The following HERC3 variants were observed in gnomAD, a reference collection of about 807,000 sequenced individuals.
The protein encoded by HERC3 is HECT and RLD domain containing E3 ubiquitin protein ligase 3, also known as probable E3 ubiquitin-protein ligase HERC3.
A neutral mutation model predicts 129.9 loss-of-function variants in HERC3; 58 were observed. That is an observed-to-expected ratio of 0.45 (90% CI 0.36 to 0.56). The LOEUF (loss-of-function observed/expected upper bound fraction) is 0.56, where lower values mean the gene tolerates loss of function less well. Ranked by LOEUF, HERC3 falls within the 20% of genes least tolerant of loss-of-function variation. HERC3 has a pLI of 0.00. For synonymous variants in HERC3, 430 were observed against 451.0 expected, an observed-to-expected ratio of 0.95 and a Z score of 0.59; for missense variants, 835 against 1,244.2, an observed-to-expected ratio of 0.67 and a Z score of 4.95.
intron 3 of HERC3, among the ~76,000 whole-genome samples, chr4:88,620,997 C>A (rs1406301197): frequency 1.3e-5 from 2 of 152,202 alleles, no homozygotes; most frequent in East Asian, 3.9e-4. Context: ...CAGTCAGTCA[C>A]AATCAATACC....
chr4:88,620,607 G>A (rs910983779), intron 3 of HERC3, among the ~76,000 whole-genome samples: 2 of 152,018 alleles, frequency 1.3e-5, no homozygotes, highest in Admixed American at 6.5e-5. Context: ...ATCTCACCTG[G>A]ATCATTGCAG....
the HERC3 span, among the ~76,000 whole-genome samples, chr4:88,585,404 G>A: frequency 6.6e-6 from 1 of 152,076 alleles, no homozygotes; most frequent in Non-Finnish European, 1.5e-5. Context: ...AAGGTGATTG[G>A]ACCATGATGG....
chr4:88,565,709 G>C, the HERC3 span, among the ~76,000 whole-genome samples: 1 of 151,842 alleles, frequency 6.6e-6, no homozygotes, highest in Non-Finnish European at 1.5e-5. Flanking sequence ...GGATAATTTA[G>C]TTCATTTACA....
chr4:88,554,423 G>A, the HERC3 span, among the ~76,000 whole-genome samples: 1 of 151,982 alleles, frequency 6.6e-6, no homozygotes, highest in African/African-American at 2.4e-5. Context: ...TTGGTAGCAG[G>A]CACATAATTT....
chr4:88,669,842 TTTTC>T lies in HERC3; in HGVS notation c.1634-8_1634-5del. ...CCAAGATTACATGTTGAAATATGTC[TTTTC>T]TTTCTTTCTAAAGATAACTGGTGGT... On this transcript the variant is annotated splice_polypyrimidine_tract_variant and intron_variant, in intron 14 of 25. Transcript: ENST00000402738. 1 of 1,603,992 alleles carries T rather than the reference TTTTC, an allele frequency of 6.2e-7. No homozygotes were observed. Among genetic ancestry groups the T allele is most frequent in the Non-Finnish European group, 8.5e-7 (1 of 1,172,944 alleles).
chr4:88,681,415 C>A, intron 21 of HERC3, 90 bp downstream of exon 21: 1 of 1,149,256 alleles, frequency 8.7e-7, no homozygotes, highest in Non-Finnish European at 1.3e-6. Context: ...CTGTACAAAT[C>A]TGAGTTTATT....
intron 21 of HERC3, among the ~76,000 whole-genome samples, chr4:88,681,786 G>A (rs1033437135): frequency 3.9e-5 from 6 of 152,018 alleles, no homozygotes; most frequent in Non-Finnish European, 8.8e-5. Flanking sequence ...AGTGTAACTG[G>A]GATATCCATC....
At chr4:88,691,288 A>G (rs573381135) in intron 23 of HERC3, among the ~76,000 whole-genome samples, 3 of 152,306 alleles carry the variant, frequency 2.0e-5, no homozygotes, top group African/African-American at 7.2e-5. Flanking sequence ...TTAGGCACTG[A>G]TGTATATGTC....
intron 3 of HERC3, among the ~76,000 whole-genome samples, chr4:88,622,726 T>C (rs1725674143): frequency 6.6e-6 from 1 of 152,088 alleles, no homozygotes. Flanking sequence ...GTCAGGAGTT[T>C]GAGACCATCC....
rs747568790 is a variant in HERC3, at chr4:88,658,423, A to C, written c.1078A>C (p.Lys360Gln). Reference protein sequence around the residue: ...GQLSARADRFKYHIVKQIFSG... With the variant: ...GQLSARADRFQYHIVKQIFSG... ...AATTTTTTTTTTGACAGATCGCTTT[A>C]AATATCATATCGTTAAGCAGATCTT... The change falls in exon 10 of 26, where the codon AAA (lysine) becomes CAA (glutamine). Residue 360 changes from lysine (K) to glutamine (Q), a missense_variant. Physicochemically the swap from Lys to Gln is moderately conservative, Grantham distance 53. Coordinates refer to ENST00000402738, the MANE Select transcript of HERC3 (RefSeq NM_014606.3). 2 of 1,584,654 alleles carry C rather than the reference A, an allele frequency of 1.3e-6. No homozygotes were observed. The highest frequency in any genetic ancestry group is 3.5e-5 in the Admixed American group (2 of 56,380).
intron 23 of HERC3, among the ~76,000 whole-genome samples, chr4:88,701,803 AT>A (rs34857474): frequency 0.1 from 14,366 of 140,124 alleles, 1,332 homozygotes; most frequent in African/African-American, 0.26. Context: ...GTTAAAACAG[AT>A]TTTTTTTTTT....
Position 88,707,045 on chromosome 4 carries a change from AT to A in HERC3, c.*92del. 3 of 1,067,288 alleles carry A rather than the reference AT, an allele frequency of 2.8e-6. No homozygotes were observed. The highest frequency in any genetic ancestry group is 4.2e-6 in the Non-Finnish European group (3 of 712,314). 66.1% of individuals were successfully genotyped at this position (1,067,288 alleles called of 1,614,324 possible). ...CAGAAAATCATGGGGAGTGATTTCT[AT>A]TTTTTTATTGTCTAAGTGGGTTGGG... On this transcript the variant is annotated 3_prime_UTR_variant, in exon 26 of 26. Coordinates refer to ENST00000402738, the MANE Select transcript of HERC3 (RefSeq NM_014606.3).
chr4:88,650,101 T>G, intron 4 of HERC3, 102 bp downstream of exon 4: 1 of 1,208,138 alleles, frequency 8.3e-7, no homozygotes, highest in Non-Finnish European at 1.2e-6. Context: ...AATTGCTATT[T>G]CCTTTGCACC....
Position 88,597,515 on chromosome 4 carries a change from A to G in HERC3, c.-30+1901A>G, listed in dbSNP as rs780008466. 3.8e-4 allele frequency among the ~76,000 whole-genome samples: 58 copies of G among 152,178 alleles called. 1 individual carries two copies. Among genetic ancestry groups the G allele is most frequent in the Non-Finnish European group, 1.0e-4 (7 of 68,026 alleles). ...TCTTCATCTTCACTGGAGAATGCCAACTTGTTTTGCCAAGTGCTTATGCCA... is the reference window on the plus strand; with the variant it reads ...TCTTCATCTTCACTGGAGAATGCCAGCTTGTTTTGCCAAGTGCTTATGCCA... On this transcript the variant is annotated intron_variant, in intron 2 of 25. Transcript: ENST00000402738.
intron 14 of HERC3, among the ~76,000 whole-genome samples, chr4:88,669,386 G>A (rs974148159): frequency 2.0e-5 from 3 of 152,116 alleles, no homozygotes; most frequent in African/African-American, 4.8e-5. Flanking sequence ...AGTAAAAATC[G>A]TAGTTTTTCA....
chr4:88,523,976 T>G, the HERC3 span: 4 of 447,206 alleles, frequency 8.9e-6, no homozygotes, highest in Non-Finnish European at 1.2e-5. Context: ...TAAACCAGTG[T>G]TTAAGTCAAG....
Position 88,655,881 on chromosome 4 carries a change from T to C in HERC3, c.915T>C (p.His305=), listed in dbSNP as rs151018103. Residue 305 remains histidine (H), a synonymous_variant, in exon 9 of 26, where the codon CAT becomes CAC. Coordinates refer to ENST00000402738, the MANE Select transcript of HERC3 (RefSeq NM_014606.3). ...EVTQIACGRQ[H]TLAFVPSSGL... ...TTAAATTATTTTTTCACAGACAACA[T>C]ACCCTAGCCTTCGTGCCTTCTTCTG... is the stretch of plus-strand genomic sequence containing the variant. 3.2e-5 allele frequency: 51 copies of C among 1,611,278 alleles called. 1 individual carries two copies. In the Admixed American group the frequency reaches 3.5e-4, roughly 11 times the overall value.
At chr4:88,590,703 C>G (rs533672274), upstream of HERC3, among the ~76,000 whole-genome samples, 3 of 152,186 alleles carry the variant, frequency 2.0e-5, no homozygotes, top group Non-Finnish European at 4.4e-5. Flanking sequence ...TTGCAAGTAC[C>G]GGACTCCTTC....
At chr4:88,633,018 A>G (rs1242422371) in intron 3 of HERC3, among the ~76,000 whole-genome samples, 2 of 152,352 alleles carry the variant, frequency 1.3e-5, no homozygotes, top group Non-Finnish European at 2.9e-5. Context: ...ATATAAGGAA[A>G]CAATGATTCA....
Sources: allele counts gnomAD v4.1 joint callset (sites outside exome capture counted in the v4.1 genomes callset), GRCh38; gene constraint gnomAD v4.1.1; transcripts MANE v1.5; gene names NCBI Gene and HGNC (gene_info 2026-07-23, HGNC 2026-07-21).